MLIP: variants seen among roughly 807,000 people sequenced by gnomAD.
MLIP encodes the protein muscular LMNA-interacting protein.
A neutral mutation model predicts 84.8 loss-of-function variants in MLIP; 79 were observed. The observed-to-expected ratio is 0.93, with a 90% CI of 0.78 to 1.12. The LOEUF (loss-of-function observed/expected upper bound fraction) is 1.12, where lower values mean the gene tolerates loss of function less well. MLIP is among the 50% of genes most tolerant of loss of function. The probability of loss-of-function intolerance (pLI) is 0.00; values close to 1 mark genes in which losing one functional copy is unlikely to be tolerated. For synonymous variants in MLIP, 504 were observed against 463.0 expected (o/e 1.09, Z -1.14); for missense variants, 1,257 against 1,160.6 (o/e 1.08, Z -1.21).
intron 1 of MLIP, among the ~76,000 whole-genome samples, chr6:54,116,341 G>T (rs1408226265): frequency 6.6e-6 from 1 of 152,138 alleles, no homozygotes; most frequent in Non-Finnish European, 1.5e-5. Context: ...ATAAAACAAA[G>T]AATTGGTTTT....
chr6:54,170,159 T>C (rs1775629438), intron 9 of MLIP, among the ~76,000 whole-genome samples: 1 of 151,698 alleles, frequency 6.6e-6, no homozygotes, highest in Non-Finnish European at 1.5e-5. Context: ...ACTCACCTAA[T>C]AATTGTATTT....
At chr6:54,185,952 AT>A (rs1215238557) in intron 9 of MLIP, among the ~76,000 whole-genome samples, 1 of 152,200 alleles carries the variant, frequency 6.6e-6, no homozygotes, top group East Asian at 1.9e-4. Context: ...GCCCACAGCA[AT>A]TAGAGAAGCG....
chr6:54,162,508 A>G (rs997918446), intron 8 of MLIP, among the ~76,000 whole-genome samples: 8 of 151,982 alleles, frequency 5.3e-5, no homozygotes, highest in African/African-American at 1.9e-4. Context: ...ATGAAACCGT[A>G]GAAGATGAAA....
At chr6:54,252,502 A>G (rs1251171342) in intron 12 of MLIP, among the ~76,000 whole-genome samples, 1 of 142,178 alleles carries the variant, frequency 7.0e-6, no homozygotes, top group Non-Finnish European at 1.5e-5. Context: ...ATATAAATAT[A>G]ATATATTATA....
chr6:54,172,552 A>G (rs561708562), intron 9 of MLIP, among the ~76,000 whole-genome samples: 194 of 151,748 alleles, frequency 1.3e-3, no homozygotes, highest in African/African-American at 3.9e-3. Flanking sequence ...CAGAGAACCC[A>G]TTGATGTTAA....
chr6:54,119,218 T>C (rs1406773335), intron 1 of MLIP, among the ~76,000 whole-genome samples: 1 of 152,224 alleles, frequency 6.6e-6, no homozygotes, highest in Non-Finnish European at 1.5e-5. Flanking sequence ...GAAATAAGTA[T>C]ATGGAAGAGA....
intron 5 of MLIP, among the ~76,000 whole-genome samples, chr6:54,152,248 G>A (rs1214074585): frequency 6.6e-6 from 1 of 152,094 alleles, no homozygotes; most frequent in African/African-American, 2.4e-5. Flanking sequence ...AGATTACATT[G>A]TGACTGTCCA....
chr6:54,057,700 T>G (rs1170345662), intron 1 of MLIP, among the ~76,000 whole-genome samples: 1 of 152,210 alleles, frequency 6.6e-6, no homozygotes, highest in Non-Finnish European at 1.5e-5. Flanking sequence ...TTGAGATAAC[T>G]GATTGTTGGG....
At chr6:54,189,040 C>A (rs920248690) in intron 9 of MLIP, among the ~76,000 whole-genome samples, 2 of 152,208 alleles carry the variant, frequency 1.3e-5, no homozygotes. Context: ...CATTTTCAGA[C>A]AACATCCAAG....
intron 1 of MLIP, among the ~76,000 whole-genome samples, chr6:54,088,170 C>A (rs1027149917): frequency 2.6e-5 from 4 of 152,222 alleles, no homozygotes; most frequent in African/African-American, 9.6e-5. Flanking sequence ...TTCTGAAGAA[C>A]AAGCCAAGGA....
chr6:54,110,567 C>T (rs1051394160), upstream of MLIP, among the ~76,000 whole-genome samples: 4 of 152,178 alleles, frequency 2.6e-5, no homozygotes, highest in Non-Finnish European at 4.4e-5. Context: ...CATTATGTTT[C>T]CATAATCTCA....
At chr6:54,257,663 A>G (rs1234551795) in intron 13 of MLIP, among the ~76,000 whole-genome samples, 1 of 152,022 alleles carries the variant, frequency 6.6e-6, no homozygotes, top group Non-Finnish European at 1.5e-5. Flanking sequence ...TGAAATCACC[A>G]TTGTCTTCTT....
chr6:54,210,985 T>TCA (rs1562062614), intron 11 of MLIP, among the ~76,000 whole-genome samples: 1 of 152,182 alleles, frequency 6.6e-6, no homozygotes. Flanking sequence ...AGGCCTGTAA[T>TCA]CCCAGCACTT....
intron 1 of MLIP, among the ~76,000 whole-genome samples, chr6:54,062,720 T>G (rs2150334598): frequency 6.6e-6 from 1 of 150,896 alleles, no homozygotes; most frequent in South Asian, 2.1e-4. Flanking sequence ...AATATCTATT[T>G]TTTAATTTTT....
intron 10 of MLIP, among the ~76,000 whole-genome samples, chr6:54,193,738 G>A (rs779847479): frequency 1.3e-4 from 20 of 152,118 alleles, no homozygotes; most frequent in Non-Finnish European, 2.5e-4. Flanking sequence ...AGTTTTCACA[G>A]CTGTGAATAG....
chr6:54,022,622 G>A (rs921728678), intron 1 of MLIP, among the ~76,000 whole-genome samples: 7 of 151,892 alleles, frequency 4.6e-5, no homozygotes, highest in Non-Finnish European at 8.8e-5. Context: ...GACTATAAGT[G>A]CATCAACAAA....
intron 12 of MLIP, among the ~76,000 whole-genome samples, chr6:54,243,453 T>TG (rs1355915305): frequency 6.6e-6 from 1 of 152,096 alleles, no homozygotes; most frequent in Non-Finnish European, 1.5e-5. Flanking sequence ...TTATCTGAAC[T>TG]GGGGGGAAAA....
chr6:54,037,881 T>C (rs1764532126), intron 1 of MLIP, among the ~76,000 whole-genome samples: 1 of 151,990 alleles, frequency 6.6e-6, no homozygotes, highest in South Asian at 2.1e-4. Context: ...CAATTTCTCC[T>C]CAGTGAACCT....
chr6:54,255,354 CT>C (rs1782939066), intron 12 of MLIP, among the ~76,000 whole-genome samples: 1 of 152,134 alleles, frequency 6.6e-6, no homozygotes, highest in African/African-American at 2.4e-5. Flanking sequence ...TAGTGCTCAC[CT>C]TACCAGGTTG....
Sources: allele counts gnomAD v4.1 joint callset (sites outside exome capture counted in the v4.1 genomes callset), GRCh38; gene constraint gnomAD v4.1.1; transcripts MANE v1.5; gene names NCBI Gene and HGNC (gene_info 2026-07-23, HGNC 2026-07-21).